MCM9: variants seen among roughly 807,000 people sequenced by gnomAD.
MCM9 encodes DNA helicase MCM9.
A neutral mutation model predicts 72.8 loss-of-function variants in MCM9; 55 were observed. That is an observed-to-expected ratio of 0.76 (90% confidence interval 0.61 to 0.95). The LOEUF (loss-of-function observed/expected upper bound fraction) is 0.95, where lower values mean the gene tolerates loss of function less well. Ranked by LOEUF, MCM9 falls within the 40% of genes least tolerant of loss-of-function variation. MCM9 has a pLI of 0.00. For missense variants in MCM9, 1,279 were observed against 1,377.0 expected (o/e 0.93, Z 1.13); for synonymous variants, 480 against 503.4 (o/e 0.95, Z 0.62).
intron 8 of MCM9, among the ~76,000 whole-genome samples, chr6:118,873,715 T>C (rs1165143631): frequency 6.6e-6 from 1 of 152,178 alleles, no homozygotes; most frequent in Non-Finnish European, 1.5e-5. Flanking sequence ...AGAAATGACA[T>C]GAATTCTCTA....
intron 9 of MCM9, among the ~76,000 whole-genome samples, chr6:118,855,560 T>C (rs1394147974): frequency 6.6e-6 from 1 of 151,990 alleles, no homozygotes; most frequent in Non-Finnish European, 1.5e-5. Context: ...TTTGCTGGAG[T>C]ATACAAATAG....
At chr6:118,884,394 A>T (rs1195081038) in intron 8 of MCM9, among the ~76,000 whole-genome samples, 3 of 152,168 alleles carry the variant, frequency 2.0e-5, no homozygotes, top group Non-Finnish European at 4.4e-5. Flanking sequence ...AGTAAGCCCT[A>T]TAACAACCAC....
intron 9 of MCM9, among the ~76,000 whole-genome samples, chr6:118,843,105 G>A (rs1241461205): frequency 3.3e-5 from 5 of 152,086 alleles, no homozygotes; most frequent in African/African-American, 1.2e-4. Flanking sequence ...AGCTTTTGCA[G>A]TGCAGAAATC....
At chr6:118,834,851 A>G (rs1330324173) in intron 9 of MCM9, among the ~76,000 whole-genome samples, 3 of 152,234 alleles carry the variant, frequency 2.0e-5, no homozygotes, top group Admixed American at 1.3e-4. Flanking sequence ...GAAGCTCTTT[A>G]GTTTAATCAA....
intron 9 of MCM9, among the ~76,000 whole-genome samples, chr6:118,845,822 G>C (rs1402321964): frequency 1.3e-5 from 2 of 151,662 alleles, no homozygotes; most frequent in African/African-American, 4.9e-5. Flanking sequence ...TAAACCTGAA[G>C]GCCTCTATAA....
At chr6:118,843,655 T>TATATATATATACAC (rs1491542240) in intron 9 of MCM9, among the ~76,000 whole-genome samples, 2 of 38,606 alleles carry the variant, frequency 5.2e-5, no homozygotes, top group East Asian at 8.3e-4. Context: ...TATATATATA[T>TATATATATATACAC]GTGTATATAT....
chr6:118,899,771 A>G (rs543419556), intron 8 of MCM9, among the ~76,000 whole-genome samples: 1 of 152,238 alleles, frequency 6.6e-6, no homozygotes, highest in Non-Finnish European at 1.5e-5. Context: ...ATGGCCACAC[A>G]TGGTGGCACT....
At chr6:118,881,548 C>A (rs1382247200) in intron 8 of MCM9, among the ~76,000 whole-genome samples, 1 of 152,026 alleles carries the variant, frequency 6.6e-6, no homozygotes, top group East Asian at 1.9e-4. Context: ...TTAAAAACAC[C>A]AAGGGAGGAA....
Position 118,861,151 on chromosome 6 carries a change from G to A in MCM9, c.1151-4606C>T, listed in dbSNP as rs550899906. Among the ~76,000 whole-genome samples the A allele has an allele frequency of 1.0e-3, 159 of 152,306 alleles. 1 individual carries two copies. The highest frequency in any genetic ancestry group is 1.4e-3 in the African/African-American group (59 of 41,566). ...GGTGGAGCGGGCAGCTCCAGGTACC[G>A]GTTCCATGTGAGGCTGCAGCTGGAC... On this transcript the variant is annotated intron_variant, in intron 8 of 13. Coordinates refer to ENST00000619706, the MANE Select transcript of MCM9 (RefSeq NM_017696.3).
chr6:118,894,252 C>CT, intron 8 of MCM9: 2 of 1,452,966 alleles, frequency 1.4e-6, no homozygotes, highest in Non-Finnish European at 9.0e-7. Context: ...CTGTGGAGTG[C>CT]TCCCGTGTAA....
chr6:118,832,944 T>G (rs1276534691), intron 9 of MCM9, among the ~76,000 whole-genome samples: 1 of 152,232 alleles, frequency 6.6e-6, no homozygotes, highest in East Asian at 1.9e-4. Flanking sequence ...CTATTCCCAT[T>G]ACAGTGAAGT....
At chr6:118,926,499 G>GT (rs1781906463) in intron 3 of MCM9, among the ~76,000 whole-genome samples, 1 of 152,194 alleles carries the variant, frequency 6.6e-6, no homozygotes, top group African/African-American at 2.4e-5. Context: ...GTCAAAAAAT[G>GT]TAAGTCAGGG....
intron 9 of MCM9, among the ~76,000 whole-genome samples, chr6:118,836,593 T>C (rs1227414520): frequency 6.6e-6 from 1 of 152,128 alleles, no homozygotes; most frequent in African/African-American, 2.4e-5. Flanking sequence ...TGAGTCTAGG[T>C]ATTTATCCAT....
chr6:118,842,046 G>C (rs910380608), intron 9 of MCM9, among the ~76,000 whole-genome samples: 4 of 152,132 alleles, frequency 2.6e-5, no homozygotes, highest in African/African-American at 9.7e-5. Flanking sequence ...TATTGGCTAG[G>C]CTGGTCTCAA....
intron 8 of MCM9, 50 bp from the exon 9 acceptor site, chr6:118,856,595 T>A: frequency 5.9e-6 from 9 of 1,524,694 alleles, no homozygotes; most frequent in Non-Finnish European, 7.0e-6. Context: ...AAGCATTATC[T>A]TGACTGGGCG....
chr6:118,928,854 C>CA lies in MCM9; in HGVS notation c.304+2565dup, dbSNP rs574118895. ...TGGGCAACAGAGTGAGACCCTGTCTCAAAAAAAAAAAAAGAATTCATACAT... is the reference window on the plus strand; with the variant it reads ...TGGGCAACAGAGTGAGACCCTGTCTCAAAAAAAAAAAAAAGAATTCATACAT... On this transcript the variant is annotated intron_variant, in intron 3 of 13. Coordinates refer to ENST00000619706, the MANE Select transcript of MCM9 (RefSeq NM_017696.3). 3.8e-3 allele frequency among the ~76,000 whole-genome samples: 491 copies of CA among 128,146 alleles called. 3 individuals are homozygous for CA. Among genetic ancestry groups the CA allele is most frequent in the South Asian group, 0.02 (78 of 3,950 alleles). The allele number at this position is 128,146 out of a possible 152,430, so 84.1% of individuals were successfully genotyped here. A position where few individuals can be genotyped will look rare whatever the true frequency, so the allele number is the denominator to read the frequency against.
At chr6:118,843,730 A>ATATGTATG in intron 9 of MCM9, among the ~76,000 whole-genome samples, 1 of 135,510 alleles carries the variant, frequency 7.4e-6, no homozygotes, top group Non-Finnish European at 1.5e-5. Flanking sequence ...GTATATATAT[A>ATATGTATG]TATATATATA....
At chr6:118,930,318 T>C (rs1460896782) in intron 3 of MCM9, among the ~76,000 whole-genome samples, 4 of 152,128 alleles carry the variant, frequency 2.6e-5, no homozygotes, top group Non-Finnish European at 2.9e-5. Context: ...TTCACCGTGT[T>C]AGCCAGGATG....
chr6:118,892,382 A>G (rs1285083267), intron 8 of MCM9, among the ~76,000 whole-genome samples: 1 of 152,204 alleles, frequency 6.6e-6, no homozygotes. Flanking sequence ...ACATCCACCA[A>G]AAGTGAGTTT....
Sources: allele counts gnomAD v4.1 joint callset (sites outside exome capture counted in the v4.1 genomes callset), GRCh38; gene constraint gnomAD v4.1.1; transcripts MANE v1.5; gene names NCBI Gene and HGNC (gene_info 2026-07-23, HGNC 2026-07-21).